The following CSRNP3 variants were observed in gnomAD, a reference collection of about 807,000 sequenced individuals.
CSRNP3 encodes the protein cysteine and serine rich nuclear protein 3.
CSRNP3 carries 12 observed loss-of-function variants against 48.0 expected under a neutral mutation model. The ratio of observed to expected loss-of-function variants is 0.25; its 90% CI spans 0.16 to 0.41. The LOEUF is 0.41. CSRNP3 is among the 10% of genes least tolerant of loss of function. The pLI is 1.00. For missense variants in CSRNP3, 580 were observed against 724.4 expected (o/e 0.80, Z 2.29); for synonymous variants, 263 against 269.7 (o/e 0.98, Z 0.24).
intron 5 of CSRNP3, among the ~76,000 whole-genome samples, chr2:165,660,885 C>A (rs1411023085): frequency 2.6e-5 from 4 of 152,038 alleles, no homozygotes; most frequent in African/African-American, 9.7e-5. Context: ...AAATAAATAC[C>A]AACCTAAAAG....
At chr2:165,521,235 CA>C (rs538147264) in intron 3 of CSRNP3, among the ~76,000 whole-genome samples, 1 of 150,548 alleles carries the variant, frequency 6.6e-6, no homozygotes, top group East Asian at 1.9e-4. Flanking sequence ...ATGGGGGAAA[CA>C]AAGACTTCTC....
intron 4 of CSRNP3, among the ~76,000 whole-genome samples, chr2:165,633,014 C>T (rs1440232137): frequency 6.6e-6 from 1 of 152,168 alleles, no homozygotes; most frequent in Non-Finnish European, 1.5e-5. Context: ...TTTCTTATGT[C>T]ATACTTTATG....
At chr2:165,677,158 C>G (rs1477420315) in intron 6 of CSRNP3, among the ~76,000 whole-genome samples, 1 of 152,180 alleles carries the variant, frequency 6.6e-6, no homozygotes, top group Non-Finnish European at 1.5e-5. Context: ...CGAACTAGGT[C>G]AGGGGTTGGC....
At chr2:165,593,214 G>A (rs1685751391) in intron 3 of CSRNP3, among the ~76,000 whole-genome samples, 1 of 152,300 alleles carries the variant, frequency 6.6e-6, no homozygotes, top group East Asian at 1.9e-4. Flanking sequence ...AAAGGTCAAA[G>A]AAGAGATTTT....
intron 4 of CSRNP3, among the ~76,000 whole-genome samples, chr2:165,599,695 A>G (rs6752541): frequency 0.49 from 74,649 of 151,994 alleles, 18,443 homozygotes; most frequent in Middle Eastern, 0.54. Flanking sequence ...TGATATACAA[A>G]TTTTTAGGAC....
intron 4 of CSRNP3, among the ~76,000 whole-genome samples, chr2:165,640,643 T>C (rs1036180913): frequency 6.6e-6 from 1 of 152,200 alleles, no homozygotes. Context: ...AGCTAGATTA[T>C]TATTGCTTAA....
intron 4 of CSRNP3, among the ~76,000 whole-genome samples, chr2:165,638,769 A>AT (rs1242920974): frequency 2.0e-5 from 3 of 152,172 alleles, no homozygotes; most frequent in Non-Finnish European, 4.4e-5. Context: ...TTTGAATGTT[A>AT]TTTTTTGTCA....
At chr2:165,520,821 A>G in intron 3 of CSRNP3, among the ~76,000 whole-genome samples, 1 of 69,082 alleles carries the variant, frequency 1.4e-5, no homozygotes, top group East Asian at 4.2e-4. Context: ...ATATATATAT[A>G]TATATACATA....
Position 165,683,499 on chromosome 2 carries a change from T to C in CSRNP3, c.*3746T>C, listed in dbSNP as rs1687580002. ...ACTTCTAGGCAAAATTTTGGTATGATTACCATTAAACAGGAAAACATACCA... is the reference window on the plus strand; with the variant it reads ...ACTTCTAGGCAAAATTTTGGTATGACTACCATTAAACAGGAAAACATACCA... On this transcript the variant is annotated 3_prime_UTR_variant, in exon 7 of 7. Coordinates refer to ENST00000651982, the MANE Select transcript of CSRNP3 (RefSeq NM_001172173.2). 1 of 152,114 alleles carries C rather than the reference T, an allele frequency of 6.6e-6. No individual in the cohort carries two copies. Among genetic ancestry groups the C allele is most frequent in the Non-Finnish European group, 1.5e-5 (1 of 67,990 alleles). 9.4% of individuals were successfully genotyped at this position (152,114 alleles called of 1,614,324 possible).
In CSRNP3 at chr2:165,657,751, T is replaced by C. The variant is rs1251610351; in HGVS notation, c.149-10T>C. 1.2e-6 allele frequency: 2 copies of C among 1,611,596 alleles called. No homozygotes were observed. Among genetic ancestry groups the C allele is most frequent in the Non-Finnish European group, 8.5e-7 (1 of 1,177,964 alleles). On this transcript the variant is annotated splice_polypyrimidine_tract_variant and intron_variant, in intron 4 of 6. Transcript: ENST00000651982. ...CCAAGTGTTCACAGGATTGTTTCTTTCTCTTTCAGCTTCCTCCATTCTCAA... is the reference window on the plus strand; with the variant it reads ...CCAAGTGTTCACAGGATTGTTTCTTCCTCTTTCAGCTTCCTCCATTCTCAA...
intron 4 of CSRNP3, among the ~76,000 whole-genome samples, chr2:165,633,391 T>C (rs1686571045): frequency 6.6e-6 from 1 of 152,230 alleles, no homozygotes; most frequent in Non-Finnish European, 1.5e-5. Context: ...ATCGATAATA[T>C]TTTGATTTTG....
intron 3 of CSRNP3, among the ~76,000 whole-genome samples, chr2:165,591,948 C>T (rs1685724569): frequency 6.6e-6 from 1 of 151,276 alleles, no homozygotes; most frequent in Admixed American, 6.6e-5. Context: ...AAGAGGGCTG[C>T]TGTCCTCCAG....
chr2:165,512,532 T>C (rs75105747), intron 2 of CSRNP3, among the ~76,000 whole-genome samples: 31 of 152,360 alleles, frequency 2.0e-4, no homozygotes, highest in Admixed American at 5.9e-4. Context: ...AATTTGGTTA[T>C]ATAACTCTTG....
chr2:165,575,807 TGGGGA>T (rs1685441047), intron 3 of CSRNP3, among the ~76,000 whole-genome samples: 2 of 151,986 alleles, frequency 1.3e-5, no homozygotes, highest in African/African-American at 4.8e-5. Context: ...TATCACTCTA[TGGGGA>T]CATTATGACA....
At chr2:165,543,346 A>G (rs1449468534) in intron 3 of CSRNP3, among the ~76,000 whole-genome samples, 6 of 152,304 alleles carry the variant, frequency 3.9e-5, no homozygotes, top group African/African-American at 1.2e-4. Context: ...TTAAAAATAC[A>G]TTTAGCTAGT....
At chr2:165,677,703 A>G (rs902283370) in intron 6 of CSRNP3, among the ~76,000 whole-genome samples, 1 of 152,088 alleles carries the variant, frequency 6.6e-6, no homozygotes, top group Admixed American at 6.5e-5. Context: ...AGGAAATTCC[A>G]TGGCTGGATA....
intron 3 of CSRNP3, among the ~76,000 whole-genome samples, chr2:165,525,569 C>T (rs1298488022): frequency 6.7e-6 from 1 of 149,774 alleles, no homozygotes. Flanking sequence ...TGACTGTAAA[C>T]TCCACCTCCT....
Position 165,660,947 on chromosome 2 carries a change from T to A in CSRNP3, c.408+2927T>A, listed in dbSNP as rs550813485. On this transcript the variant is annotated intron_variant, in intron 5 of 6. Coordinates refer to ENST00000651982, the MANE Select transcript of CSRNP3 (RefSeq NM_001172173.2). The stretch of plus-strand genomic sequence containing the variant: ...CTTAACCTCACTGTGCTTAAAGTAT[T>A]CAGAAACACATGTCACACAAAGCTA... Among the ~76,000 whole-genome samples the A allele has an allele frequency of 1.7e-4, 26 of 152,300 alleles. No individual in the cohort carries two copies. The East Asian group carries it at 5.0e-3, about 29-fold the overall frequency.
chr2:165,634,472 G>A (rs1287079433), intron 4 of CSRNP3, among the ~76,000 whole-genome samples: 1 of 152,202 alleles, frequency 6.6e-6, no homozygotes, highest in Non-Finnish European at 1.5e-5. Flanking sequence ...GACCGGCGAA[G>A]GGCCCTGTTC....
Sources: allele counts gnomAD v4.1 joint callset (sites outside exome capture counted in the v4.1 genomes callset), GRCh38; gene constraint gnomAD v4.1.1; transcripts MANE v1.5; gene names NCBI Gene and HGNC (gene_info 2026-07-23, HGNC 2026-07-21).